The following ZFX variants were observed in gnomAD, a reference collection of about 807,000 sequenced individuals.
ZFX encodes the protein zinc finger X-chromosomal protein.
For synonymous variants in ZFX, 196 were observed against 226.8 expected (o/e 0.86, Z 1.22); for missense variants, 362 against 628.3 (o/e 0.58, Z 4.53).
chrX:24,184,501 A>T (rs905349912), intron 5 of ZFX, among the ~76,000 whole-genome samples: 2 of 110,996 alleles, frequency 1.8e-5, no homozygotes, highest in Admixed American at 1.9e-4. Flanking sequence ...ATTGAAAAAA[A>T]CCCAGAAGTT....
chrX:24,215,028 G>C lies in ZFX; in HGVS notation c.*3652G>C, dbSNP rs1461413299. The stretch of plus-strand genomic sequence containing the variant: ...TTGATTTTATAGACAAGATTCTGCA[G>C]TTCTTCCAACTGTATGAACAAACGT... On this transcript the variant is annotated 3_prime_UTR_variant, in exon 10 of 10. Transcript: ENST00000304543. 2.7e-5 allele frequency: 3 copies of C among 112,044 alleles called. No individual in the cohort carries two copies. Among genetic ancestry groups the C allele is most frequent in the Non-Finnish European group, 5.6e-5 (3 of 53,247 alleles). 9.2% of individuals were successfully genotyped at this position (112,044 alleles called of 1,213,427 possible). A position where few individuals can be genotyped will look rare whatever the true frequency, so the allele number is the denominator to read the frequency against.
intron 4 of ZFX, among the ~76,000 whole-genome samples, chrX:24,177,358 T>G (rs1003861493): frequency 9.8e-5 from 11 of 112,450 alleles, no homozygotes; most frequent in African/African-American, 3.2e-4. Context: ...GTTAAGTCAT[T>G]TAATCTCACT....
intron 5 of ZFX, 97 bp downstream of exon 5, chrX:24,179,867 A>G (rs1010565941): frequency 3.8e-6 from 3 of 790,021 alleles, no homozygotes; most frequent in Non-Finnish European, 3.6e-6. Flanking sequence ...AAATGTCTGT[A>G]AAAGTAAATC....
chrX:24,179,011 G>T (rs1935429999), intron 4 of ZFX, among the ~76,000 whole-genome samples, 172 bp from the exon 5 acceptor site: 1 of 112,144 alleles, frequency 8.9e-6, no homozygotes, highest in Non-Finnish European at 1.9e-5. Flanking sequence ...AAGTTCTTGG[G>T]TTAAAAACAT....
At chrX:24,169,632 G>A (rs1934373590) in intron 3 of ZFX, among the ~76,000 whole-genome samples, 1 of 106,810 alleles carries the variant, frequency 9.4e-6, no homozygotes, top group Non-Finnish European at 1.9e-5. Context: ...GTTGAGAATT[G>A]ACAAGATCTG....
intron 5 of ZFX, among the ~76,000 whole-genome samples, chrX:24,187,313 C>G (rs182262302): frequency 1.3e-3 from 147 of 111,519 alleles, no homozygotes; most frequent in African/African-American, 4.6e-3. Context: ...CCCCCCCTTT[C>G]TCTCTCTGTG....
At chrX:24,187,608 T>G (rs1402489086) in intron 5 of ZFX, among the ~76,000 whole-genome samples, 2 of 112,113 alleles carry the variant, frequency 1.8e-5, no homozygotes, top group Non-Finnish European at 3.8e-5. Context: ...TATTAATTTT[T>G]TTCAAATTTG....
Position 24,163,416 on chromosome X carries a change from C to T in ZFX, c.-28-9299C>T, listed in dbSNP as rs183976662. ...TTTTTGATACAGAGTCTCACTCTGT[C>T]GCCCAGGCTGGAGTGCAATGGCGCG... On this transcript the variant is annotated intron_variant, in intron 3 of 9. Coordinates refer to ENST00000304543, the MANE Select transcript of ZFX (RefSeq NM_003410.4). 2.6e-3 allele frequency among the ~76,000 whole-genome samples: 194 copies of T among 73,747 alleles called. 2 individuals are homozygous for T. Among genetic ancestry groups the T allele is most frequent in the African/African-American group, 8.9e-3 (174 of 19,532 alleles). The allele number at this position is 73,747 out of a possible 115,157, so 64.0% of individuals were successfully genotyped here. A position where few individuals can be genotyped will look rare whatever the true frequency, so the allele number is the denominator to read the frequency against.
chrX:24,200,158 ATCT>A (rs748013138), intron 5 of ZFX, among the ~76,000 whole-genome samples: 5 of 111,169 alleles, frequency 4.5e-5, no homozygotes, highest in African/African-American at 1.6e-4. Context: ...GTGCTAGCAA[ATCT>A]TCTCTTCTGA....
chrX:24,194,387 T>G (rs898475660), intron 5 of ZFX, among the ~76,000 whole-genome samples: 8 of 111,228 alleles, frequency 7.2e-5, no homozygotes, highest in African/African-American at 2.6e-4. Context: ...CTGTGGCGTT[T>G]GCACATTCTC....
intron 5 of ZFX, among the ~76,000 whole-genome samples, chrX:24,181,238 T>A (rs1373784963): frequency 1.8e-5 from 2 of 112,528 alleles, no homozygotes; most frequent in Non-Finnish European, 3.7e-5. Context: ...AGAAAATGCC[T>A]TCATTCAACA....
At chrX:24,152,459 C>T (rs1308571385) in intron 2 of ZFX, among the ~76,000 whole-genome samples, 1 of 111,370 alleles carries the variant, frequency 9.0e-6, no homozygotes, top group Non-Finnish European at 1.9e-5. Flanking sequence ...ATGATGGAAA[C>T]CTTTAGGTGG....
intron 2 of ZFX, among the ~76,000 whole-genome samples, chrX:24,152,315 T>C (rs1402426110): frequency 9.1e-6 from 1 of 110,169 alleles, no homozygotes; most frequent in Non-Finnish European, 1.9e-5. Context: ...TTTGTATTTT[T>C]AGTAGAGACA....
At chrX:24,164,831 T>C (rs1454302704) in intron 3 of ZFX, among the ~76,000 whole-genome samples, 2 of 108,694 alleles carry the variant, frequency 1.8e-5, no homozygotes, top group East Asian at 2.9e-4. Context: ...CCAGCTACTT[T>C]TGGGAGGCTG....
At chrX:24,163,409 ACT>A (rs1342797017) in intron 3 of ZFX, among the ~76,000 whole-genome samples, 5 of 64,573 alleles carry the variant, frequency 7.7e-5, no homozygotes, top group Admixed American at 2.7e-4. Flanking sequence ...ACAGAGTCTC[ACT>A]CTGTCGCCCA....
In ZFX at chrX:24,188,191, A is replaced by T. The variant is rs59546131; in HGVS notation, c.646+8421A>T. Among the ~76,000 whole-genome samples the T allele has an allele frequency of 6.1e-3, 652 of 106,295 alleles. 2 individuals carry two copies. Among genetic ancestry groups the T allele is most frequent in the African/African-American group, 0.021 (608 of 29,189 alleles). The allele number at this position is 106,295 out of a possible 115,157, so 92.3% of individuals were successfully genotyped here. On this transcript the variant is annotated intron_variant, in intron 5 of 9. Transcript: ENST00000304543. ...TGAGACTGTCTCAAAAAAAAAAAAA[A>T]TTTTTTTTTTGGTACGCTTGAGGGA...
intron 3 of ZFX, among the ~76,000 whole-genome samples, chrX:24,156,147 T>C (rs1164767004): frequency 2.7e-5 from 3 of 112,219 alleles, no homozygotes; most frequent in African/African-American, 9.7e-5. Flanking sequence ...TCGGCCCTCC[T>C]TGGCCTCTGA....
At chrX:24,149,494 C>A (rs1931700595), upstream of ZFX, 1 of 111,738 alleles carries the variant, frequency 8.9e-6, no homozygotes, top group Non-Finnish European at 1.9e-5. Context: ...GCAGCGAGGC[C>A]ACTGGGCTCC....
At chrX:24,204,411 C>T (rs1601963794) in intron 5 of ZFX, among the ~76,000 whole-genome samples, 1 of 111,841 alleles carries the variant, frequency 8.9e-6, no homozygotes, top group South Asian at 3.7e-4. Flanking sequence ...ATGGAGATCA[C>T]GACAGAACTT....
Sources: gnomAD v4.1 joint callset for allele counts (sites outside exome capture counted in the v4.1 genomes callset) on GRCh38, gnomAD v4.1.1 for gene constraint, MANE v1.5 for transcripts, NCBI Gene and HGNC (gene_info 2026-07-23, HGNC 2026-07-21) for gene names.